The following L3MBTL4 variants were observed in gnomAD, a reference collection of about 807,000 sequenced individuals.
The protein encoded by L3MBTL4 is L3MBTL histone methyl-lysine binding protein 4.
Under a neutral mutation model 84.5 loss-of-function variants are expected in L3MBTL4, and 70 were observed. That is an observed-to-expected ratio of 0.83 (90% CI 0.68 to 1.01). The LOEUF (loss-of-function observed/expected upper bound fraction) is 1.01, where lower values mean the gene tolerates loss of function less well. L3MBTL4 is among the 50% of genes least tolerant of loss of function. The pLI is 0.00. For synonymous variants in L3MBTL4, 274 were observed against 259.8 expected (o/e 1.05, Z -0.52); for missense variants, 715 against 754.8 (o/e 0.95, Z 0.62).
intron 16 of L3MBTL4, among the ~76,000 whole-genome samples, chr18:5,994,376 T>A (rs2053849229): frequency 6.6e-6 from 1 of 152,210 alleles, no homozygotes; most frequent in African/African-American, 2.4e-5. Context: ...TTCTTTGATA[T>A]CTCTCAGACA....
At chr18:6,068,350 G>T (rs117729275) in intron 16 of L3MBTL4, among the ~76,000 whole-genome samples, 1 of 152,184 alleles carries the variant, frequency 6.6e-6, no homozygotes, top group Non-Finnish European at 1.5e-5. Flanking sequence ...TATATCTAAT[G>T]GTGGGCAGAG....
At chr18:6,003,557 CTAACAGGCA>C (rs1237313840) in intron 16 of L3MBTL4, among the ~76,000 whole-genome samples, 16 of 151,860 alleles carry the variant, frequency 1.1e-4, no homozygotes, top group Admixed American at 9.8e-4. Flanking sequence ...CCAATGAGAG[CTAACAGGCA>C]TAAACAGGAC....
intron 18 of L3MBTL4, among the ~76,000 whole-genome samples, chr18:5,958,061 G>GAA (rs2095238909): frequency 2.0e-4 from 24 of 117,140 alleles, no homozygotes; most frequent in African/African-American, 3.9e-4. Flanking sequence ...AGAAGGAGAA[G>GAA]GAGAAGAAGA....
chr18:6,054,997 G>T (rs548595066), intron 16 of L3MBTL4, among the ~76,000 whole-genome samples: 56 of 152,322 alleles, frequency 3.7e-4, no homozygotes, highest in Non-Finnish European at 6.3e-4. Context: ...CTGGTTTTAA[G>T]CCTCGTTCAG....
intron 18 of L3MBTL4, among the ~76,000 whole-genome samples, chr18:5,957,890 G>T (rs2095236283): frequency 1.3e-5 from 2 of 151,106 alleles, no homozygotes; most frequent in Admixed American, 6.6e-5. Context: ...AACTTGGGAG[G>T]CAGAGGTTGC....
At chr18:6,341,908 C>T (rs2052625295) in intron 1 of L3MBTL4, among the ~76,000 whole-genome samples, 1 of 151,760 alleles carries the variant, frequency 6.6e-6, no homozygotes, top group Admixed American at 6.6e-5. Context: ...CAACTCATCA[C>T]ATATAAGGGA....
At chr18:5,966,702 C>T (rs755997532) in intron 17 of L3MBTL4, among the ~76,000 whole-genome samples, 2 of 152,272 alleles carry the variant, frequency 1.3e-5, no homozygotes, top group Middle Eastern at 3.4e-3. Context: ...GCAGTCATCA[C>T]GTTATCCTCC....
rs368706027 is a variant in L3MBTL4 at position 6,142,234 on chromosome 18, A to G, written c.1097-3938T>C. Among the ~76,000 whole-genome samples, 26 of 152,328 alleles carry G rather than the reference A, an allele frequency of 1.7e-4. No homozygotes were observed. In the East Asian group the frequency reaches 5.0e-3, roughly 29 times the overall value. The stretch of plus-strand genomic sequence containing the variant: ...CATGAGTCTAGTTCACCACTGTGTC[A>G]CCAGTATCTAGCCCAACACATAGTT... On this transcript the variant is annotated intron_variant, in intron 13 of 18. Transcript: ENST00000317931.
intron 1 of L3MBTL4, among the ~76,000 whole-genome samples, chr18:6,408,015 A>G (rs193186188): frequency 3.4e-4 from 52 of 152,326 alleles, no homozygotes; most frequent in Admixed American, 2.5e-3. Context: ...AGAAGATACC[A>G]TCCCCTCCAA....
intron 13 of L3MBTL4, among the ~76,000 whole-genome samples, chr18:6,170,930 C>T (rs1277408125): frequency 6.6e-6 from 1 of 152,118 alleles, no homozygotes; most frequent in Non-Finnish European, 1.5e-5. Context: ...CCTATGTGTG[C>T]CAATACACTG....
At chr18:6,088,398 C>T (rs1053833166) in intron 15 of L3MBTL4, among the ~76,000 whole-genome samples, 1 of 152,090 alleles carries the variant, frequency 6.6e-6, no homozygotes, top group African/African-American at 2.4e-5. Flanking sequence ...AACACAAACT[C>T]CAACTTCAAG....
At chr18:6,198,648 T>G (rs1419334709) in intron 12 of L3MBTL4, among the ~76,000 whole-genome samples, 1 of 152,188 alleles carries the variant, frequency 6.6e-6, no homozygotes, top group Non-Finnish European at 1.5e-5. Flanking sequence ...TAAAATTCCA[T>G]AAATCAGTCT....
chr18:6,391,877 T>A (rs1034146695), intron 1 of L3MBTL4, among the ~76,000 whole-genome samples: 2 of 151,892 alleles, frequency 1.3e-5, no homozygotes, highest in African/African-American at 4.8e-5. Context: ...TGGAAACACA[T>A]CACATGCTCA....
intron 12 of L3MBTL4, among the ~76,000 whole-genome samples, chr18:6,187,868 A>G (rs2044853861): frequency 7.5e-6 from 1 of 133,328 alleles, no homozygotes; most frequent in South Asian, 2.2e-4. Context: ...CTTGGTACCA[A>G]AAAAAAAAAA....
In L3MBTL4 at chr18:5,958,076, G is replaced by A. The variant is rs1227418761; in HGVS notation, c.1678-1689C>T. ...AGAAGGAGAAGGAGAAGAAGAAGAA[G>A]AAGAAGAAGAAGAAGAAGAAGAAGA... is the stretch of plus-strand genomic sequence containing the variant. On this transcript the variant is annotated intron_variant, in intron 18 of 18. Transcript: ENST00000317931. Among the ~76,000 whole-genome samples, 24 of 47,700 alleles carry A rather than the reference G, an allele frequency of 5.0e-4. No homozygotes were observed. In the African/African-American group the frequency reaches 5.6e-3, roughly 11 times the overall value. 31.3% of individuals were successfully genotyped at this position (47,700 alleles called of 152,430 possible).
At chr18:6,141,504 T>C (rs2060192880) in intron 13 of L3MBTL4, among the ~76,000 whole-genome samples, 1 of 152,184 alleles carries the variant, frequency 6.6e-6, no homozygotes, top group Non-Finnish European at 1.5e-5. Flanking sequence ...GAACCTATCG[T>C]CTTGTCCCCC....
intron 16 of L3MBTL4, chr18:6,031,103 A>G (rs2145602937): frequency 1.0e-6 from 1 of 985,412 alleles, no homozygotes; most frequent in East Asian, 1.1e-4. Context: ...GGGGTTTGTG[A>G]TCATGGAGAA....
At chr18:6,394,308 A>G (rs953032197) in intron 1 of L3MBTL4, among the ~76,000 whole-genome samples, 1 of 152,038 alleles carries the variant, frequency 6.6e-6, no homozygotes, top group Admixed American at 6.6e-5. Flanking sequence ...TCTCTATTAA[A>G]AATGCAAAAA....
intron 12 of L3MBTL4, among the ~76,000 whole-genome samples, chr18:6,208,116 A>C (rs1339011544): frequency 6.9e-6 from 1 of 144,442 alleles, no homozygotes; most frequent in Non-Finnish European, 1.5e-5. Flanking sequence ...CCCTGTCTAA[A>C]AAATAAATAA....
Sources: gnomAD v4.1 joint callset for allele counts (sites outside exome capture counted in the v4.1 genomes callset) on GRCh38, gnomAD v4.1.1 for gene constraint, MANE v1.5 for transcripts, NCBI Gene and HGNC (gene_info 2026-07-23, HGNC 2026-07-21) for gene names.